HDAC9: variants seen among roughly 807,000 people sequenced by gnomAD.
HDAC9 encodes histone deacetylase 9, also known as MEF-2 interacting transcription repressor (MITR) protein.
A neutral mutation model predicts 139.4 loss-of-function variants in HDAC9; 41 were observed. The ratio of observed to expected loss-of-function variants is 0.29; its 90% CI spans 0.23 to 0.38. The LOEUF (loss-of-function observed/expected upper bound fraction) is 0.38. Ranked by LOEUF, HDAC9 falls within the 10% of genes least tolerant of loss-of-function variation. The pLI is 1.00. For missense variants in HDAC9, 1,147 were observed against 1,297.0 expected (o/e 0.88, Z 1.78); for synonymous variants, 517 against 476.2 (o/e 1.09, Z -1.12).
intron 17 of HDAC9, among the ~76,000 whole-genome samples, chr7:18,804,243 C>G (rs985386807): frequency 5.9e-5 from 9 of 152,066 alleles, no homozygotes; most frequent in African/African-American, 2.2e-4. Context: ...AATACAGAAG[C>G]TCTCTCAGGG....
intron 17 of HDAC9, among the ~76,000 whole-genome samples, chr7:18,815,157 T>TA (rs1374049712): frequency 6.6e-6 from 1 of 152,084 alleles, no homozygotes; most frequent in Non-Finnish European, 1.5e-5. Flanking sequence ...ACTTCTGTCT[T>TA]AAAAAAATAG....
At chr7:18,210,720 A>G (rs916971309) in intron 2 of HDAC9, among the ~76,000 whole-genome samples, 1 of 152,208 alleles carries the variant, frequency 6.6e-6, no homozygotes, top group African/African-American at 2.4e-5. Flanking sequence ...TCTCTTTTCT[A>G]CTTCTAGATT....
intron 2 of HDAC9, among the ~76,000 whole-genome samples, chr7:18,230,001 T>C (rs1472949496): frequency 6.6e-6 from 1 of 152,190 alleles, no homozygotes; most frequent in Non-Finnish European, 1.5e-5. Context: ...TAGTGGCATT[T>C]CCTCTACTCC....
chr7:18,809,636 G>A (rs10251998), intron 17 of HDAC9, among the ~76,000 whole-genome samples: 67,541 of 151,766 alleles, frequency 0.45, 18,742 homozygotes, highest in African/African-American at 0.79. Flanking sequence ...ACTCAACATC[G>A]CTAATTATCA....
chr7:18,538,715 C>T (rs1170414167), intron 2 of HDAC9, among the ~76,000 whole-genome samples: 1 of 152,156 alleles, frequency 6.6e-6, no homozygotes, highest in Non-Finnish European at 1.5e-5. Flanking sequence ...TAGTGACTCA[C>T]TTCCAAGAAT....
intron 17 of HDAC9, among the ~76,000 whole-genome samples, chr7:18,822,699 A>G (rs1337621061): frequency 6.6e-6 from 1 of 152,158 alleles, no homozygotes; most frequent in Admixed American, 6.5e-5. Context: ...CAGATCAGGC[A>G]GTTGACTAGT....
At chr7:18,139,513 A>T (rs1785727982) in intron 1 of HDAC9, among the ~76,000 whole-genome samples, 1 of 152,114 alleles carries the variant, frequency 6.6e-6, no homozygotes, top group South Asian at 2.1e-4. Flanking sequence ...TACGTTTGCT[A>T]TTCCTTTTTT....
intron 14 of HDAC9, among the ~76,000 whole-genome samples, chr7:18,761,302 A>G (rs977650035): frequency 6.6e-6 from 1 of 152,208 alleles, no homozygotes; most frequent in African/African-American, 2.4e-5. Context: ...GAAGGGCTGT[A>G]ATTTGTTAGC....
At chr7:18,141,794 A>G (rs573857060) in intron 1 of HDAC9, among the ~76,000 whole-genome samples, 15 of 152,278 alleles carry the variant, frequency 9.9e-5, no homozygotes, top group Non-Finnish European at 1.8e-4. Flanking sequence ...CCTGCTGTCA[A>G]TAAATTTGTT....
At chr7:18,323,565 A>G (rs1370053852) in intron 1 of HDAC9, among the ~76,000 whole-genome samples, 1 of 152,116 alleles carries the variant, frequency 6.6e-6, no homozygotes, top group Non-Finnish European at 1.5e-5. Flanking sequence ...GGCTTTAACA[A>G]ATTTGAATCC....
chr7:18,779,415 A>G (rs1791055092), intron 16 of HDAC9, among the ~76,000 whole-genome samples: 1 of 152,074 alleles, frequency 6.6e-6, no homozygotes, highest in South Asian at 2.1e-4. Flanking sequence ...AGGTTCTCAG[A>G]CCAGAATCAT....
intron 2 of HDAC9, among the ~76,000 whole-genome samples, chr7:18,580,687 T>C (rs932709244): frequency 6.6e-6 from 1 of 152,182 alleles, no homozygotes; most frequent in African/African-American, 2.4e-5. Context: ...TTCTAAGTAA[T>C]TTTTGAGGAA....
At chr7:18,216,178 AGATT>A (rs964006157) in intron 2 of HDAC9, among the ~76,000 whole-genome samples, 1 of 151,998 alleles carries the variant, frequency 6.6e-6, no homozygotes, top group South Asian at 2.1e-4. Context: ...TAGAACAGAG[AGATT>A]GATTAATTGG....
chr7:18,249,678 A>T (rs1369721260), intron 2 of HDAC9, among the ~76,000 whole-genome samples: 1 of 152,064 alleles, frequency 6.6e-6, no homozygotes, highest in Admixed American at 6.5e-5. Flanking sequence ...ACTCTTTCTT[A>T]TCAATGAAAG....
intron 1 of HDAC9, among the ~76,000 whole-genome samples, chr7:18,384,222 G>A (rs1785705253): frequency 1.3e-5 from 2 of 151,908 alleles, no homozygotes; most frequent in Admixed American, 6.6e-5. Flanking sequence ...GAGGTGGGAG[G>A]ATTGCTTGAA....
At chr7:18,125,894 A>C (rs919413651) in intron 1 of HDAC9, among the ~76,000 whole-genome samples, 1 of 152,102 alleles carries the variant, frequency 6.6e-6, no homozygotes, top group Non-Finnish European at 1.5e-5. Flanking sequence ...AAACACTCTT[A>C]CTTTGTAAGT....
chr7:18,715,935 G>T (rs1481093062), intron 12 of HDAC9, among the ~76,000 whole-genome samples: 1 of 152,070 alleles, frequency 6.6e-6, no homozygotes, highest in African/African-American at 2.4e-5. Flanking sequence ...TTCTTCCACA[G>T]ATCCTAGACT....
At chr7:18,127,521 A>G (rs1345758512) in intron 1 of HDAC9, among the ~76,000 whole-genome samples, 1 of 152,132 alleles carries the variant, frequency 6.6e-6, no homozygotes, top group Admixed American at 6.6e-5. Context: ...TTACCTGCTC[A>G]GGTAAACTTA....
In HDAC9 at chr7:18,238,548, A is replaced by C. The variant is rs1158835629; in HGVS notation, c.25+76199A>C. On this transcript the variant is annotated intron_variant, in intron 2 of 12. Coordinates refer to the HDAC9 transcript ENST00000417496. The stretch of plus-strand genomic sequence containing the variant: ...TTAATCAGAGAAAGATAGACCCTCT[A>C]TATATAGAAGTTTTGATGGATAAAT... Among the ~76,000 whole-genome samples the C allele has an allele frequency of 2.6e-5, 4 of 152,200 alleles. No individual in the cohort carries two copies. The East Asian group carries it at 7.7e-4, about 29-fold the overall frequency.
Sources: gnomAD v4.1 joint callset for allele counts (sites outside exome capture counted in the v4.1 genomes callset) on GRCh38, gnomAD v4.1.1 for gene constraint, MANE v1.5 for transcripts, NCBI Gene and HGNC (gene_info 2026-07-23, HGNC 2026-07-21) for gene names.